Variants in OTUB2 observed in about 807,000 individuals in gnomAD.
OTUB2 encodes the protein ubiquitin thioesterase OTUB2.
OTUB2 carries 21 observed loss-of-function variants against 25.1 expected under a neutral mutation model. The observed-to-expected ratio is 0.84, with a 90% CI of 0.59 to 1.21. The LOEUF is 1.21. Ranked by LOEUF, OTUB2 falls within the 50% of genes most tolerant of loss-of-function variation. The probability of loss-of-function intolerance (pLI) is 0.00; values close to 1 mark genes in which losing one functional copy is unlikely to be tolerated. For synonymous variants in OTUB2, 122 were observed against 122.8 expected, an observed-to-expected ratio of 0.99 and a Z score of 0.04; for missense variants, 283 against 298.0, an observed-to-expected ratio of 0.95 and a Z score of 0.37.
At chr14:94,026,660 GC>G in intron 1 of OTUB2, 120 bp downstream of exon 1, 1 of 1,071,392 alleles carries the variant, frequency 9.3e-7, no homozygotes, top group Non-Finnish European at 1.2e-6. Context: ...CCCCCAGCTC[GC>G]CCCCGCCGCT....
In OTUB2 at chr14:94,044,734, G is replaced by C. The variant is rs767603825; in HGVS notation, c.452G>C (p.Arg151Pro). ...AFIRNRADFF[R>P]HFIDEEMDIK... Reference sequence around the variant, plus strand: ...ATCAGGAACCGAGCAGACTTCTTCCGGCACTTCATTGATGAGGAGATGGAC... The same window carrying C: ...ATCAGGAACCGAGCAGACTTCTTCCCGCACTTCATTGATGAGGAGATGGAC... The change falls in exon 5 of 6, where the codon CGG becomes CCG. Residue 151 changes from arginine (R) to proline (P), a missense_variant. Transcript: ENST00000203664. 1.2e-6 allele frequency: 2 copies of C among 1,613,708 alleles called. No homozygotes were observed. Among genetic ancestry groups the C allele is most frequent in the Non-Finnish European group, 1.7e-6 (2 of 1,180,026 alleles).
chr14:94,046,852 C>T lies in OTUB2; in HGVS notation c.*930C>T, dbSNP rs1291156993. On this transcript the variant is annotated 3_prime_UTR_variant, in exon 6 of 6. Coordinates refer to ENST00000203664, the MANE Select transcript of OTUB2 (RefSeq NM_023112.4). ...CTTTGCAGGCTGCCCCTGGCTTCTT[C>T]CTCCCTTTCCCGCTTCTGCTCTCTT... 1 of 152,572 alleles carries T rather than the reference C, an allele frequency of 6.6e-6. No homozygotes were observed. Among genetic ancestry groups the T allele is most frequent in the Non-Finnish European group, 1.5e-5 (1 of 68,160 alleles). 9.5% of individuals were successfully genotyped at this position (152,572 alleles called of 1,614,324 possible).
intron 1 of OTUB2, among the ~76,000 whole-genome samples, chr14:94,031,684 G>A (rs1315918125): frequency 6.6e-6 from 1 of 152,128 alleles, no homozygotes; most frequent in Admixed American, 6.5e-5. Flanking sequence ...ACGTCCTTGC[G>A]CTTTCTGCTA....
intron 1 of OTUB2, 36 bp downstream of exon 1, chr14:94,026,576 G>C (rs767317410): frequency 7.3e-6 from 9 of 1,234,512 alleles, no homozygotes; most frequent in Non-Finnish European, 9.1e-6. Flanking sequence ...GGGGGAGCGG[G>C]CAGGGGGCGC....
At chr14:94,042,511 G>A (rs1885183201) in intron 3 of OTUB2, among the ~76,000 whole-genome samples, 1 of 152,172 alleles carries the variant, frequency 6.6e-6, no homozygotes, top group South Asian at 2.1e-4. Context: ...GGGGGCAGGA[G>A]AGCTGGGAGC....
chr14:94,033,257 G>A (rs577528742), intron 1 of OTUB2, among the ~76,000 whole-genome samples: 24 of 152,198 alleles, frequency 1.6e-4, no homozygotes, highest in African/African-American at 5.3e-4. Flanking sequence ...AGCTTAAGTA[G>A]ATTTGTCAAA....
chr14:94,026,552 T>TG lies in OTUB2; in HGVS notation c.3+17dup. 3 of 1,096,332 alleles carry TG rather than the reference T, an allele frequency of 2.7e-6. No individual in the cohort carries two copies. Among genetic ancestry groups the TG allele is most frequent in the Non-Finnish European group, 3.4e-6 (3 of 888,652 alleles). 67.9% of individuals were successfully genotyped at this position (1,096,332 alleles called of 1,614,324 possible). On this transcript the variant is annotated intron_variant, in intron 1 of 5. Coordinates refer to ENST00000203664, the MANE Select transcript of OTUB2 (RefSeq NM_023112.4). Reference sequence around the variant, plus strand: ...CTCTGGTCACTATGGTCAGTGATCGTGGGGGATCGCGAAGGGGGAGCGGGC... The same window carrying TG: ...CTCTGGTCACTATGGTCAGTGATCGTGGGGGGATCGCGAAGGGGGAGCGGGC...
At chr14:94,041,642 A>G (rs1885163765) in intron 3 of OTUB2, among the ~76,000 whole-genome samples, 1 of 151,876 alleles carries the variant, frequency 6.6e-6, no homozygotes, top group African/African-American at 2.4e-5. Context: ...AACCCCTGAC[A>G]CCAACGCCCT....
chr14:94,044,137 C>A, intron 4 of OTUB2, 82 bp downstream of exon 4: 1 of 1,336,446 alleles, frequency 7.5e-7, no homozygotes. Context: ...CAGCCCACAG[C>A]TCTGCTCCTC....
Position 94,045,920 on chromosome 14 carries a change from T to G in OTUB2, c.703T>G (p.Ter235GlyextTer12), listed in dbSNP as rs1885267569. ...YNILYAADKH[*>G] Reference sequence around the variant, plus strand: ...CATCCTTTATGCAGCCGATAAACATTGATTAATTTTAGGCCATGCAGTGGA... The same window carrying G: ...CATCCTTTATGCAGCCGATAAACATGGATTAATTTTAGGCCATGCAGTGGA... Residue 235 changes from the stop codon to glycine (G), a stop_lost, in exon 6 of 6, where the codon TGA becomes GGA. Transcript: ENST00000203664. The G allele has an allele frequency of 1.2e-6, 2 of 1,613,948 alleles. No individual in the cohort carries two copies. The highest frequency in any genetic ancestry group is 1.3e-5 in the African/African-American group (1 of 75,038).
At chr14:94,027,326 C>T (rs1342517700) in intron 1 of OTUB2, among the ~76,000 whole-genome samples, 2 of 152,176 alleles carry the variant, frequency 1.3e-5, no homozygotes, top group Non-Finnish European at 2.9e-5. Context: ...CATCGGCTCA[C>T]CTTCCAGGTT....
chr14:94,034,078 A>G (rs1885008145), intron 1 of OTUB2, among the ~76,000 whole-genome samples: 1 of 152,260 alleles, frequency 6.6e-6, no homozygotes, highest in African/African-American at 2.4e-5. Context: ...GAGACTAGCA[A>G]AGTAGAAAGG....
At chr14:94,045,667 T>C in intron 5 of OTUB2, 49 bp from the exon 6 acceptor site, 2 of 1,579,506 alleles carry the variant, frequency 1.3e-6, no homozygotes, top group Non-Finnish European at 1.7e-6. Flanking sequence ...ACTTGTCCTC[T>C]GCCAGGCCTC....
At chr14:94,037,516 AGGCTG>A in intron 2 of OTUB2, 41 bp downstream of exon 2, 1 of 1,457,360 alleles carries the variant, frequency 6.9e-7, no homozygotes, top group South Asian at 1.2e-5. Flanking sequence ...GAAACTAAAC[AGGCTG>A]GAGTTGGGAG....
Position 94,044,067 on chromosome 14 carries a change from T to C in OTUB2, c.303+12T>C. On this transcript the variant is annotated intron_variant, in intron 4 of 5. Transcript: ENST00000203664. ...ACTTCTTCAATGCTGTGAGTTCACC[T>C]GGTCCCTCCTTCCACACTGGCAGAG... is the stretch of plus-strand genomic sequence containing the variant. 1 of 1,611,994 alleles carries C rather than the reference T, an allele frequency of 6.2e-7. No individual in the cohort carries two copies. The highest frequency in any genetic ancestry group is 8.5e-7 in the Non-Finnish European group (1 of 1,178,034).
intron 1 of OTUB2, among the ~76,000 whole-genome samples, chr14:94,027,549 T>C (rs1884888347): frequency 6.6e-6 from 1 of 152,244 alleles, no homozygotes; most frequent in African/African-American, 2.4e-5. Context: ...ATCTGTGTCA[T>C]GGGAACCATG....
chr14:94,042,347 G>A (rs764664766), intron 3 of OTUB2, among the ~76,000 whole-genome samples: 11 of 152,098 alleles, frequency 7.2e-5, no homozygotes, highest in Non-Finnish European at 1.6e-4. Context: ...TGCCTCTCGG[G>A]GGTGCATGTC....
chr14:94,043,044 T>G (rs1885193654), intron 3 of OTUB2, among the ~76,000 whole-genome samples: 1 of 152,122 alleles, frequency 6.6e-6, no homozygotes, highest in Non-Finnish European at 1.5e-5. Context: ...GCAAGCGGCA[T>G]CTAGGCAAAT....
At position 94,041,536 on chromosome 14, in the gene OTUB2, G is replaced by A. The variant is rs933593917; in HGVS notation, c.219-2435G>A. Among the ~76,000 whole-genome samples, 10 of 152,028 alleles carry A rather than the reference G, an allele frequency of 6.6e-5. 1 individual carries two copies. The Middle Eastern group carries it at 0.014, about 207-fold the overall frequency. On this transcript the variant is annotated intron_variant, in intron 3 of 5. Transcript: ENST00000203664. ...TGGCCTCGAACTCTTGGGCTCAGGCGGTCCTCCCTCCTCAGCCTGCATCTT... is the reference window on the plus strand; with the variant it reads ...TGGCCTCGAACTCTTGGGCTCAGGCAGTCCTCCCTCCTCAGCCTGCATCTT...
Sources: allele counts gnomAD v4.1 joint callset (sites outside exome capture counted in the v4.1 genomes callset), GRCh38; gene constraint gnomAD v4.1.1; transcripts MANE v1.5; gene names NCBI Gene and HGNC (gene_info 2026-07-23, HGNC 2026-07-21).